The following FAM219A variants were observed in gnomAD, a reference collection of about 807,000 sequenced individuals.
The protein encoded by FAM219A is family with sequence similarity 219 member A.
A neutral mutation model predicts 23.4 loss-of-function variants in FAM219A; 7 were observed. The observed-to-expected ratio is 0.30, with a 90% CI of 0.17 to 0.56. The LOEUF (loss-of-function observed/expected upper bound fraction) is 0.56, where lower values mean the gene tolerates loss of function less well. Ranked by LOEUF, FAM219A falls within the 20% of genes least tolerant of loss-of-function variation. FAM219A has a pLI of 0.92. For missense variants in FAM219A, 166 were observed against 246.9 expected (o/e 0.67, Z 2.20); for synonymous variants, 93 against 99.0 (o/e 0.94, Z 0.36).
intron 1 of FAM219A, among the ~76,000 whole-genome samples, chr9:34,432,717 C>T (rs1822761152): frequency 6.6e-6 from 1 of 152,198 alleles, no homozygotes; most frequent in African/African-American, 2.4e-5. Context: ...CGTACTATTT[C>T]CACTGGCGTC....
chr9:34,401,709 A>G lies in FAM219A; in HGVS notation c.356T>C (p.Phe119Ser). ...VALDTDSDDDFDMSRYSSSGY... is the reference protein window; with the variant it reads ...VALDTDSDDDSDMSRYSSSGY... ...GGAGGAGGAGTATCTAGACATGTCA[A>G]AGTCATCATCGCTGGCCATGGAGGA... Residue 119 changes from phenylalanine (F) to serine (S), a missense_variant, in exon 5 of 6, where the codon TTT becomes TCT. Coordinates refer to ENST00000651358, the MANE Select transcript of FAM219A (RefSeq NM_001184940.2). 6.2e-7 allele frequency: 1 copy of G among 1,608,544 alleles called. No individual in the cohort carries two copies. Among genetic ancestry groups the G allele is most frequent in the East Asian group, 2.2e-5 (1 of 44,746 alleles).
chr9:34,400,828 A>G lies in FAM219A; in HGVS notation c.*136T>C, dbSNP rs966379082. ...ACACGTCCTACCATAGGAGGAAGCAATGACTGTTATACGAGGTTGGCGGCT... is the reference window on the plus strand; with the variant it reads ...ACACGTCCTACCATAGGAGGAAGCAGTGACTGTTATACGAGGTTGGCGGCT... On this transcript the variant is annotated 3_prime_UTR_variant, in exon 6 of 6. Transcript: ENST00000651358. 24 of 862,218 alleles carry G rather than the reference A, an allele frequency of 2.8e-5. No individual in the cohort carries two copies. The highest frequency in any genetic ancestry group is 3.5e-5 in the Non-Finnish European group (21 of 596,312). The allele number at this position is 862,218 out of a possible 1,614,324, so 53.4% of individuals were successfully genotyped here.
chr9:34,405,453 G>A (rs1156691211), intron 2 of FAM219A, among the ~76,000 whole-genome samples: 2 of 152,186 alleles, frequency 1.3e-5, no homozygotes, highest in African/African-American at 2.4e-5. Flanking sequence ...GATTGTAATC[G>A]GGAGAGGGGC....
intron 1 of FAM219A, chr9:34,406,273 TCTC>T (rs1821633730): frequency 8.1e-6 from 8 of 984,288 alleles, no homozygotes; most frequent in African/African-American, 1.7e-5. Context: ...AGGACTTCCT[TCTC>T]CTAACTCCCA....
Position 34,399,720 on chromosome 9 carries a change from T to C in FAM219A, c.*1244A>G, listed in dbSNP as rs993793791. ...ATTTCAGCTGCTGTTCATTTTCTAG[T>C]TGAGGAAACTGAAGACGAGAGAAAG... On this transcript the variant is annotated 3_prime_UTR_variant, in exon 6 of 6. Transcript: ENST00000651358. 2 of 152,128 alleles carry C rather than the reference T, an allele frequency of 1.3e-5. No homozygotes were observed. Among genetic ancestry groups the C allele is most frequent in the African/African-American group, 2.4e-5 (1 of 41,402 alleles). The allele number at this position is 152,128 out of a possible 1,614,324, so 9.4% of individuals were successfully genotyped here. A position where few individuals can be genotyped will look rare whatever the true frequency, so the allele number is the denominator to read the frequency against.
Position 34,438,003 on chromosome 9 carries a change from G to A in FAM219A, c.60+20201C>T, listed in dbSNP as rs541580220. Among the ~76,000 whole-genome samples, 120 of 152,330 alleles carry A rather than the reference G, an allele frequency of 7.9e-4. 2 individuals are homozygous for A. The highest frequency in any genetic ancestry group is 1.0e-3 in the South Asian group (5 of 4,830). The stretch of plus-strand genomic sequence containing the variant: ...AGTTCCGAGTGGGCGTGGGCTTGGC[G>A]GGCCCCGCACTCGGAGCAGCCGGCT... On this transcript the variant is annotated intron_variant, in intron 1 of 5. Transcript: ENST00000651358.
chr9:34,441,406 A>G (rs117038449), intron 1 of FAM219A, among the ~76,000 whole-genome samples: 1 of 152,316 alleles, frequency 6.6e-6, no homozygotes, highest in East Asian at 1.9e-4. Context: ...TTCCAGTGAG[A>G]ACACACTCAG....
intron 1 of FAM219A, among the ~76,000 whole-genome samples, chr9:34,414,624 T>C (rs1161584807): frequency 6.6e-6 from 1 of 152,238 alleles, no homozygotes; most frequent in East Asian, 1.9e-4. Flanking sequence ...GTGGGAGATC[T>C]GGAAGAGAAT....
chr9:34,400,651 C>T lies in FAM219A; in HGVS notation c.*313G>A, dbSNP rs1181374338. 1 of 262,438 alleles carries T rather than the reference C, an allele frequency of 3.8e-6. No individual in the cohort carries two copies. The highest frequency in any genetic ancestry group is 7.2e-6 in the Non-Finnish European group (1 of 138,998). The allele number at this position is 262,438 out of a possible 1,614,324, so 16.3% of individuals were successfully genotyped here. A position where few individuals can be genotyped will look rare whatever the true frequency, so the allele number is the denominator to read the frequency against. ...CGTTAATGTTGACCTCCCTGCCGTC[C>T]AGTCTTCTCTCTTGGCCAGCCCTGG... On this transcript the variant is annotated 3_prime_UTR_variant, in exon 6 of 6. Coordinates refer to ENST00000651358, the MANE Select transcript of FAM219A (RefSeq NM_001184940.2).
chr9:34,425,005 C>T (rs113447889), intron 1 of FAM219A, among the ~76,000 whole-genome samples: 16,001 of 152,002 alleles, frequency 0.11, 1,023 homozygotes, highest in Non-Finnish European at 0.14. Context: ...GGGGTTTTGC[C>T]ATGTTGCCCA....
chr9:34,410,476 T>A (rs1821783312), intron 1 of FAM219A, among the ~76,000 whole-genome samples: 1 of 152,106 alleles, frequency 6.6e-6, no homozygotes. Flanking sequence ...CCCGCAGACT[T>A]TTATGGGCTA....
intron 1 of FAM219A, among the ~76,000 whole-genome samples, chr9:34,446,172 CAAAA>C (rs11352681): frequency 9.3e-6 from 1 of 107,970 alleles, no homozygotes; most frequent in Non-Finnish European, 2.1e-5. Context: ...GACTCTGTCT[CAAAA>C]AAAAAAAAAA....
intron 1 of FAM219A, among the ~76,000 whole-genome samples, chr9:34,446,066 G>A (rs1823357702): frequency 1.3e-5 from 2 of 152,028 alleles, no homozygotes; most frequent in Non-Finnish European, 2.9e-5. Context: ...TCAGCTACTC[G>A]GAAGGCTGAG....
At chr9:34,423,851 G>T (rs1029837813) in intron 1 of FAM219A, among the ~76,000 whole-genome samples, 9 of 152,198 alleles carry the variant, frequency 5.9e-5, no homozygotes, top group African/African-American at 1.9e-4. Context: ...TGAGGGAAAA[G>T]ACTTGAGCTA....
chr9:34,401,240 G>A (rs1369549740), intron 5 of FAM219A, 118 bp from the exon 6 acceptor site: 15 of 1,271,470 alleles, frequency 1.2e-5, no homozygotes, highest in Admixed American at 2.0e-5. Flanking sequence ...TATCAGCCCC[G>A]CCCTGTCCCG....
chr9:34,402,475 A>C lies in FAM219A; in HGVS notation c.264-8T>G, dbSNP rs773835127. ...TTATTGGGGACGACCAGCCTAGGTG[A>C]AGAATTTCGGGAGTTAGAGTGGCAA... On this transcript the variant is annotated splice_region_variant and splice_polypyrimidine_tract_variant and intron_variant, in intron 3 of 5. Coordinates refer to ENST00000651358, the MANE Select transcript of FAM219A (RefSeq NM_001184940.2). The C allele has an allele frequency of 1.9e-6, 3 of 1,614,060 alleles. No homozygotes were observed. Among genetic ancestry groups the C allele is most frequent in the Non-Finnish European group, 2.5e-6 (3 of 1,179,986 alleles).
At chr9:34,447,453 A>G (rs909741737) in intron 1 of FAM219A, among the ~76,000 whole-genome samples, 2 of 152,332 alleles carry the variant, frequency 1.3e-5, no homozygotes, top group African/African-American at 4.8e-5. Flanking sequence ...GAGAAACCTA[A>G]AAGTATCCAC....
intron 1 of FAM219A, among the ~76,000 whole-genome samples, chr9:34,453,728 G>A (rs1409323213): frequency 6.6e-6 from 1 of 152,192 alleles, no homozygotes; most frequent in Non-Finnish European, 1.5e-5. Flanking sequence ...TGGTCCCTGA[G>A]AGCACAGGAG....
At chr9:34,445,541 T>C (rs1377230567) in intron 1 of FAM219A, among the ~76,000 whole-genome samples, 3 of 152,084 alleles carry the variant, frequency 2.0e-5, no homozygotes, top group Non-Finnish European at 4.4e-5. Flanking sequence ...AAGGTGCCAA[T>C]AGGTGAAAGA....
Sources: allele counts gnomAD v4.1 joint callset (sites outside exome capture counted in the v4.1 genomes callset), GRCh38; gene constraint gnomAD v4.1.1; transcripts MANE v1.5; gene names NCBI Gene and HGNC (gene_info 2026-07-23, HGNC 2026-07-21).